DMD: variants seen among roughly 807,000 people sequenced by gnomAD.
DMD encodes the protein dystrophin.
A neutral mutation model predicts 330.1 loss-of-function variants in DMD; 63 were observed. That is an observed-to-expected ratio of 0.19 (90% CI 0.16 to 0.24). DMD has a LOEUF of 0.24. Among genes scored for constraint, DMD ranks in the 10% least tolerant of loss-of-function variants. DMD has a pLI of 1.00. For synonymous variants in DMD, 1,223 were observed against 959.8 expected (o/e 1.27, Z -5.07); for missense variants, 3,344 against 2,684.1 (o/e 1.25, Z -5.43).
At chrX:32,840,083 G>C (rs1213270217) in intron 4 of DMD, among the ~76,000 whole-genome samples, 1 of 111,996 alleles carries the variant, frequency 8.9e-6, no homozygotes. Context: ...TTCCAAGTTT[G>C]GTTTCTGCAT....
intron 52 of DMD, among the ~76,000 whole-genome samples, chrX:31,689,550 A>T (rs1368581594): frequency 3.0e-4 from 33 of 108,859 alleles, no homozygotes; most frequent in African/African-American, 4.3e-4. Flanking sequence ...CTGCCCAAGG[A>T]AATTTATAGA....
At position 33,239,054 on chromosome X, in the gene DMD, C is replaced by T. The variant is rs926462341; in HGVS notation, c.7+100205G>A. ...GTTAGATCACTTGAGGTCAGGAGTT[C>T]GAGACCAGCCTGGCCAACATGGTGA... On this transcript the variant is annotated intron_variant, in intron 1 of 17. Transcript: ENST00000288447. Among the ~76,000 whole-genome samples, 6 of 108,672 alleles carry T rather than the reference C, an allele frequency of 5.5e-5. No homozygotes were observed. In the East Asian group the frequency reaches 8.7e-4, roughly 16 times the overall value. The allele number at this position is 108,672 out of a possible 115,157, so 94.4% of individuals were successfully genotyped here. A position where few individuals can be genotyped will look rare whatever the true frequency, so the allele number is the denominator to read the frequency against.
At chrX:31,542,957 C>T (rs952054258) in intron 55 of DMD, among the ~76,000 whole-genome samples, 3 of 111,669 alleles carry the variant, frequency 2.7e-5, no homozygotes, top group African/African-American at 9.8e-5. Context: ...CATTTTCCAG[C>T]CCCTCTGCTG....
chrX:32,256,534 G>A (rs1032132606), intron 43 of DMD, among the ~76,000 whole-genome samples: 2 of 110,354 alleles, frequency 1.8e-5, no homozygotes, highest in African/African-American at 6.6e-5. Context: ...ATTGTCATGT[G>A]TGAATGTGAT....
chrX:32,594,108 T>A (rs2055246564), intron 13 of DMD, among the ~76,000 whole-genome samples: 1 of 112,775 alleles, frequency 8.9e-6, no homozygotes, highest in African/African-American at 3.2e-5. Flanking sequence ...AGAGAAATCC[T>A]AAAATATCAT....
chrX:32,657,375 A>G (rs954267037), intron 9 of DMD, among the ~76,000 whole-genome samples: 1 of 112,303 alleles, frequency 8.9e-6, no homozygotes, highest in Non-Finnish European at 1.9e-5. Flanking sequence ...ATAAGCATCA[A>G]TAAAAAAACT....
chrX:31,132,768 C>A (rs1026299075), intron 77 of DMD, among the ~76,000 whole-genome samples: 12 of 110,517 alleles, frequency 1.1e-4, no homozygotes, highest in African/African-American at 4.0e-4. Context: ...CGTGAAAGCA[C>A]CTGATTCTGT....
chrX:32,611,158 T>C (rs2057139625), intron 12 of DMD, among the ~76,000 whole-genome samples: 1 of 110,508 alleles, frequency 9.0e-6, no homozygotes, highest in Admixed American at 9.7e-5. Context: ...CAAAAGAGCA[T>C]TATCAATATT....
chrX:32,916,944 G>C (rs1315122020), intron 2 of DMD, among the ~76,000 whole-genome samples: 3 of 111,716 alleles, frequency 2.7e-5, no homozygotes, highest in African/African-American at 6.5e-5. Flanking sequence ...ACTCTGATTT[G>C]ATCATTTATA....
chrX:31,732,916 A>G lies in DMD; in HGVS notation c.7543-3168T>C, dbSNP rs2086614873. Among the ~76,000 whole-genome samples, 4 of 111,876 alleles carry G rather than the reference A, an allele frequency of 3.6e-5. No homozygotes were observed. The South Asian group carries it at 1.5e-3, about 41-fold the overall frequency. On this transcript the variant is annotated intron_variant, in intron 51 of 78. Transcript: ENST00000357033. Reference sequence around the variant, plus strand: ...GTGACACAAATAACTTAAAGCGAACAAAACTAAAATCATTACATGCTTACC... The same window carrying G: ...GTGACACAAATAACTTAAAGCGAACGAAACTAAAATCATTACATGCTTACC...
chrX:31,651,941 C>T (rs1439893195), intron 54 of DMD, among the ~76,000 whole-genome samples: 1 of 111,668 alleles, frequency 9.0e-6, no homozygotes, highest in Admixed American at 9.5e-5. Flanking sequence ...TCCAATAACT[C>T]CCATCTCATT....
intron 27 of DMD, among the ~76,000 whole-genome samples, chrX:32,443,252 T>C (rs1194772186): frequency 1.8e-5 from 2 of 111,368 alleles, no homozygotes; most frequent in African/African-American, 6.5e-5. Flanking sequence ...TCTATGTTCA[T>C]AGCCCTTAGA....
At chrX:31,299,648 C>T (rs919441459) in intron 62 of DMD, among the ~76,000 whole-genome samples, 2 of 108,855 alleles carry the variant, frequency 1.8e-5, no homozygotes, top group Non-Finnish European at 3.8e-5. Flanking sequence ...TGGTGGCATG[C>T]AACTGTAGTC....
intron 47 of DMD, among the ~76,000 whole-genome samples, chrX:31,899,380 A>T (rs16989924): frequency 0.07 from 7,647 of 109,250 alleles, 311 homozygotes; most frequent in African/African-American, 0.13. Context: ...ATTTTCTGCA[A>T]CTTCATGTTG....
chrX:33,053,370 C>T (rs1603112957), intron 1 of DMD, among the ~76,000 whole-genome samples: 1 of 110,488 alleles, frequency 9.1e-6, no homozygotes, highest in Non-Finnish European at 1.9e-5. Context: ...CTGAGGCGGG[C>T]GGATCACGAG....
chrX:32,678,713 T>C (rs1410778764), intron 9 of DMD, among the ~76,000 whole-genome samples: 1 of 111,619 alleles, frequency 9.0e-6, no homozygotes, highest in African/African-American at 3.3e-5. Flanking sequence ...CCCTGCCCCA[T>C]GACCAAAAAA....
At chrX:32,438,179 G>T in intron 29 of DMD, 62 bp downstream of exon 29, 2 of 1,098,098 alleles carry the variant, frequency 1.8e-6, no homozygotes, top group Non-Finnish European at 1.3e-6. Context: ...TATCTGAGAG[G>T]CCTGTATCTG....
intron 43 of DMD, among the ~76,000 whole-genome samples, chrX:32,253,789 A>G (rs1403704553): frequency 1.9e-5 from 2 of 107,726 alleles, no homozygotes; most frequent in Non-Finnish European, 3.8e-5. Context: ...AAGCCCGGCT[A>G]ATTTTTGTAT....
intron 52 of DMD, among the ~76,000 whole-genome samples, chrX:31,695,646 T>C (rs1042969476): frequency 4.5e-5 from 5 of 111,054 alleles, no homozygotes; most frequent in Non-Finnish European, 9.5e-5. Flanking sequence ...TGGAGGACAT[T>C]AGGTTAAGTG....
Sources: allele counts gnomAD v4.1 joint callset (sites outside exome capture counted in the v4.1 genomes callset), GRCh38; gene constraint gnomAD v4.1.1; transcripts MANE v1.5; gene names NCBI Gene and HGNC (gene_info 2026-07-23, HGNC 2026-07-21).